AGBL1: variants seen among roughly 807,000 people sequenced by gnomAD.
AGBL1 encodes AGBL carboxypeptidase 1.
A neutral mutation model predicts 118.9 loss-of-function variants in AGBL1; 130 were observed. The observed-to-expected ratio is 1.09, with a 90% CI of 0.95 to 1.26. AGBL1 has a LOEUF of 1.26. AGBL1 is among the 50% of genes most tolerant of loss of function. AGBL1 has a pLI of 0.00. For synonymous variants in AGBL1, 555 were observed against 478.9 expected (o/e 1.16, Z -2.08); for missense variants, 1,584 against 1,298.1 (o/e 1.22, Z -3.38).
At chr15:86,538,472 C>T (rs907623315) in intron 19 of AGBL1, among the ~76,000 whole-genome samples, 1 of 152,132 alleles carries the variant, frequency 6.6e-6, no homozygotes, top group East Asian at 1.9e-4. Flanking sequence ...GGTAGCTGAA[C>T]GTGTCACCAA....
At chr15:86,255,594 C>T (rs2078882333) in intron 7 of AGBL1, among the ~76,000 whole-genome samples, 1 of 152,266 alleles carries the variant, frequency 6.6e-6, no homozygotes. Context: ...ACAAGCCTAA[C>T]CAACATGGGG....
intron 1 of AGBL1, among the ~76,000 whole-genome samples, chr15:86,135,712 C>T (rs2076880394): frequency 6.6e-6 from 1 of 152,152 alleles, no homozygotes; most frequent in Admixed American, 6.5e-5. Flanking sequence ...AGCTCACAGT[C>T]TAAAGTGAGT....
At chr15:86,917,295 C>G (rs2080436094), downstream of AGBL1, among the ~76,000 whole-genome samples, 1 of 152,180 alleles carries the variant, frequency 6.6e-6, no homozygotes, top group Non-Finnish European at 1.5e-5. This position sits in a 1 kb window ranked among gnomAD's most constrained non-coding sequence, Gnocchi z 4.8. Context: ...TCTCCTGTCC[C>G]TGGCCTCTGC....
intron 17 of AGBL1, among the ~76,000 whole-genome samples, chr15:86,309,247 G>C (rs1379364218): frequency 6.6e-6 from 1 of 152,044 alleles, no homozygotes; most frequent in African/African-American, 2.4e-5. Context: ...GCTGATTTTT[G>C]TATGTTAAAT....
chr15:86,924,842 G>C (rs1311771989), intron 23 of AGBL1, among the ~76,000 whole-genome samples: 1 of 152,048 alleles, frequency 6.6e-6, no homozygotes, highest in Non-Finnish European at 1.5e-5. Flanking sequence ...TTGGGAGGCT[G>C]AGGAGGGTGG....
At chr15:86,688,842 T>C (rs1371489811) in intron 22 of AGBL1, among the ~76,000 whole-genome samples, 1 of 152,086 alleles carries the variant, frequency 6.6e-6, no homozygotes, top group Non-Finnish European at 1.5e-5. Context: ...ACACCAAATA[T>C]CAAGTTCCTT....
At chr15:86,849,309 TGGCTGCTGAAGCGGCCA>T (rs1174582760) in intron 22 of AGBL1, among the ~76,000 whole-genome samples, 2 of 152,204 alleles carry the variant, frequency 1.3e-5, no homozygotes, top group Non-Finnish European at 1.5e-5. Flanking sequence ...GCAGTTCCTC[TGGCTGCTGAAGCGGCCA>T]GGCTGCTATG....
At chr15:86,896,233 T>A (rs1355191921) in intron 22 of AGBL1, among the ~76,000 whole-genome samples, 1 of 152,148 alleles carries the variant, frequency 6.6e-6, no homozygotes, top group African/African-American at 2.4e-5. Context: ...TGGGTCATAA[T>A]ATTTCAAGTT....
At chr15:86,410,839 T>TATATAA (rs1311325970) in intron 18 of AGBL1, among the ~76,000 whole-genome samples, 21 of 68,128 alleles carry the variant, frequency 3.1e-4, no homozygotes, top group East Asian at 1.7e-3. Flanking sequence ...TATATATATA[T>TATATAA]ATAATATACT....
chr15:86,856,894 C>G (rs1255231274), intron 22 of AGBL1, among the ~76,000 whole-genome samples: 2 of 152,324 alleles, frequency 1.3e-5, no homozygotes, highest in Admixed American at 1.3e-4. Flanking sequence ...AGTGGTGAAG[C>G]TAATGGCAGA....
intron 5 of AGBL1, among the ~76,000 whole-genome samples, chr15:86,199,323 T>G (rs941458627): frequency 2.0e-5 from 3 of 152,238 alleles, no homozygotes; most frequent in Admixed American, 2.0e-4. Flanking sequence ...ATTATATATA[T>G]ATCTCCAAAA....
chr15:86,278,745 C>G (rs1157927740), intron 15 of AGBL1, among the ~76,000 whole-genome samples: 1 of 152,130 alleles, frequency 6.6e-6, no homozygotes, highest in Non-Finnish European at 1.5e-5. Flanking sequence ...TATAATGCAG[C>G]CTTGATGATA....
intron 5 of AGBL1, among the ~76,000 whole-genome samples, chr15:86,167,844 A>T (rs1394600872): frequency 6.6e-6 from 1 of 152,276 alleles, no homozygotes; most frequent in Non-Finnish European, 1.5e-5. Context: ...TTTCTGCCTA[A>T]GTTCAATTAT....
chr15:86,207,354 C>T (rs1441086175), intron 5 of AGBL1, among the ~76,000 whole-genome samples: 1 of 152,136 alleles, frequency 6.6e-6, no homozygotes, highest in Non-Finnish European at 1.5e-5. Flanking sequence ...TGAAGAAAAT[C>T]ATTGGTAGCT....
rs190301619 is a variant in AGBL1 at position 86,615,853 on chromosome 15, A to G, written c.2995-58420A>G. On this transcript the variant is annotated intron_variant, in intron 21 of 22. Transcript: ENST00000614907. This position sits in a 1 kb window ranked among gnomAD's most constrained non-coding sequence, Gnocchi z 4.3. ...AAGACTGTTGTAAAATGAAAAATTAATTAATAGGGATGACAGTGTTGGGGT... is the reference window on the plus strand; with the variant it reads ...AAGACTGTTGTAAAATGAAAAATTAGTTAATAGGGATGACAGTGTTGGGGT... Among the ~76,000 whole-genome samples, 12 of 152,304 alleles carry G rather than the reference A, an allele frequency of 7.9e-5. No individual in the cohort carries two copies. The highest frequency in any genetic ancestry group is 7.8e-4 in the Admixed American group (12 of 15,290).
At position 86,802,612 on chromosome 15, in the gene AGBL1, A is replaced by G. The variant is rs28451826; in HGVS notation, c.3159-104475A>G. Among the ~76,000 whole-genome samples the G allele has an allele frequency of 2.4e-3, 365 of 152,286 alleles. 1 individual carries two copies. The highest frequency in any genetic ancestry group is 8.4e-3 in the African/African-American group (349 of 41,580). On this transcript the variant is annotated intron_variant, in intron 22 of 22. Coordinates refer to ENST00000614907, the MANE Select transcript of AGBL1 (RefSeq NM_001386094.1). ...AAAAACACATCGAGATTCAGATTCT[A>G]TATCTAAGGGGAAGCTGGGAATATG...
intron 21 of AGBL1, among the ~76,000 whole-genome samples, chr15:86,598,011 C>T (rs1390395900): frequency 2.0e-5 from 3 of 152,022 alleles, no homozygotes; most frequent in Non-Finnish European, 4.4e-5. Context: ...TCTGGACTTC[C>T]TATGTGGGTC....
chr15:86,571,620 C>T (rs896176267), intron 21 of AGBL1, among the ~76,000 whole-genome samples: 4 of 152,156 alleles, frequency 2.6e-5, no homozygotes, highest in African/African-American at 7.2e-5. Context: ...GAAGGTAATT[C>T]TTCTCTGCAG....
intron 22 of AGBL1, among the ~76,000 whole-genome samples, chr15:86,856,748 G>A (rs1435359863): frequency 2.0e-5 from 3 of 152,208 alleles, no homozygotes; most frequent in African/African-American, 7.2e-5. Context: ...GACCACTGTT[G>A]TCTGTGGAAC....
Sources: allele counts gnomAD v4.1 joint callset (sites outside exome capture counted in the v4.1 genomes callset), GRCh38; gene constraint gnomAD v4.1.1; non-coding constraint Gnocchi (gnomAD v3.1); transcripts MANE v1.5; gene names NCBI Gene and HGNC (gene_info 2026-07-23, HGNC 2026-07-21).